Variants in CLTCL1 observed in about 807,000 individuals in gnomAD.
CLTCL1 encodes the protein clathrin heavy chain 2.
In CLTCL1, 159 loss-of-function variants were observed where a neutral mutation model predicts 190.0. The observed-to-expected ratio is 0.84, with a 90% CI of 0.74 to 0.95. CLTCL1 has a LOEUF of 0.95. CLTCL1 is among the 40% of genes least tolerant of loss of function. The pLI, the probability that CLTCL1 is intolerant of heterozygous loss-of-function variation, is 0.00. For missense variants in CLTCL1, 1,878 were observed against 2,033.4 expected (o/e 0.92, Z 1.47); for synonymous variants, 752 against 769.6 (o/e 0.98, Z 0.38).
intron 11 of CLTCL1, among the ~76,000 whole-genome samples, chr22:19,226,670 T>C (rs1354155564): frequency 6.6e-6 from 1 of 152,220 alleles, no homozygotes; most frequent in African/African-American, 2.4e-5. Flanking sequence ...TGAGGCTCCA[T>C]AAAGCCCTAT....
At chr22:19,211,008 C>T (rs1187594600) in intron 19 of CLTCL1, among the ~76,000 whole-genome samples, 2 of 152,154 alleles carry the variant, frequency 1.3e-5, no homozygotes, top group Non-Finnish European at 2.9e-5. Context: ...GCTGGGATTA[C>T]AGGTGTGAGC....
chr22:19,222,150 G>A, intron 15 of CLTCL1, 57 bp from the exon 16 acceptor site: 1 of 1,588,160 alleles, frequency 6.3e-7, no homozygotes, highest in Non-Finnish European at 8.6e-7. Context: ...ATTGTTAGAA[G>A]CCTCCTACGA....
chr22:19,193,033 T>C (rs782319851), intron 26 of CLTCL1, among the ~76,000 whole-genome samples: 7 of 152,184 alleles, frequency 4.6e-5, no homozygotes, highest in Non-Finnish European at 8.8e-5. Flanking sequence ...CTCAAGTTCA[T>C]CTTCTGTGGC....
At chr22:19,199,664 A>G in intron 24 of CLTCL1, 70 bp downstream of exon 24, 1 of 1,158,438 alleles carries the variant, frequency 8.6e-7, no homozygotes, top group Non-Finnish European at 1.2e-6. Context: ...TAAGGGGATG[A>G]CCGTGCCTCT....
At chr22:19,207,764 A>C (rs2085096858) in intron 22 of CLTCL1, 1 of 531,212 alleles carries the variant, frequency 1.9e-6, no homozygotes, top group Non-Finnish European at 3.3e-6. Flanking sequence ...CACAGAGCAC[A>C]AACCCTATTG....
intron 5 of CLTCL1, 140 bp from the exon 6 acceptor site, chr22:19,236,009 G>T (rs1270970941): frequency 1.4e-6 from 1 of 739,346 alleles, no homozygotes; most frequent in Non-Finnish European, 2.1e-6. Context: ...ACCCAGGCTG[G>T]AGTGTAGTGG....
chr22:19,202,408 T>C, intron 22 of CLTCL1, among the ~76,000 whole-genome samples: 1 of 151,062 alleles, frequency 6.6e-6, no homozygotes, highest in Non-Finnish European at 1.5e-5. Context: ...CCTTCCGCCA[T>C]CCACGGCACC....
At chr22:19,275,057 C>A (rs1340451079) in intron 2 of CLTCL1, among the ~76,000 whole-genome samples, 1 of 152,142 alleles carries the variant, frequency 6.6e-6, no homozygotes, top group Non-Finnish European at 1.5e-5. Context: ...GTAAGTGATA[C>A]TGCATTTCAC....
At chr22:19,237,856 A>G (rs1197236509) in intron 5 of CLTCL1, among the ~76,000 whole-genome samples, 3 of 152,228 alleles carry the variant, frequency 2.0e-5, no homozygotes, top group African/African-American at 7.2e-5. Flanking sequence ...GGGGTAGCCA[A>G]ATTATCAGCA....
chr22:19,234,734 C>T, intron 6 of CLTCL1, 28 bp from the exon 7 acceptor site: 1 of 1,594,028 alleles, frequency 6.3e-7, no homozygotes, highest in Non-Finnish European at 8.6e-7. Flanking sequence ...GTGAGAGCAG[C>T]CCGGCCTAGA....
chr22:19,245,979 T>C (rs2086405430), intron 3 of CLTCL1, among the ~76,000 whole-genome samples: 1 of 152,196 alleles, frequency 6.6e-6, no homozygotes, highest in South Asian at 2.1e-4. Context: ...TGTGTAAAAG[T>C]TTTTGTGTGG....
chr22:19,211,640 G>A (rs542080797), intron 19 of CLTCL1, among the ~76,000 whole-genome samples: 1 of 151,766 alleles, frequency 6.6e-6, no homozygotes, highest in Non-Finnish European at 1.5e-5. Flanking sequence ...GGTGGCAGGC[G>A]CCTGTAGTCC....
rs1555938048 is a variant in CLTCL1 at position 19,199,814 on chromosome 22, CTT to C, written c.3791_3792del (p.Gln1264ArgfsTer18). 3 of 1,596,806 alleles carry C rather than the reference CTT, an allele frequency of 1.9e-6. No homozygotes were observed. Among genetic ancestry groups the C allele is most frequent in the Admixed American group, 1.7e-5 (1 of 57,524 alleles). ...CCACACAGCTGTGCGAAGCGGAACT[CTT>C]GTCCATCCATGCAGGCAAAGCACAC... ...KEVCFACMDG[Q>X]EFRFAQLCGL... is the part of the protein sequence containing the mutation. On this transcript the variant is annotated frameshift_variant, in exon 24 of 33. Transcript: ENST00000427926. LOFTEE classifies it high-confidence loss of function.
At chr22:19,211,585 G>A (rs1391289112) in intron 19 of CLTCL1, among the ~76,000 whole-genome samples, 3 of 151,760 alleles carry the variant, frequency 2.0e-5, no homozygotes, top group Non-Finnish European at 4.4e-5. Context: ...TGGCTAACAC[G>A]GTAAAGCCCG....
In CLTCL1 at chr22:19,232,516, A is replaced by G. The variant is rs1569202562; in HGVS notation, c.1604T>C (p.Met535Thr). 1.9e-6 allele frequency: 3 copies of G among 1,614,048 alleles called. No homozygotes were observed. The highest frequency in any genetic ancestry group is 1.7e-6 in the Non-Finnish European group (2 of 1,179,884). ...CAGCGGCTCCTCGTCCTGCACTAGCATTCGAGAAAACTGCAGGCCCTGTTC... is the reference window on the plus strand; with the variant it reads ...CAGCGGCTCCTCGTCCTGCACTAGCGTTCGAGAAAACTGCAGGCCCTGTTC... ...SPEQGLQFSR[M>T]LVQDEEPLAN... The change falls in exon 10 of 33, where the codon ATG becomes ACG. Residue 535 changes from methionine (M) to threonine (T), a missense_variant. Coordinates refer to ENST00000427926, the MANE Select transcript of CLTCL1 (RefSeq NM_007098.4).
Position 19,191,355 on chromosome 22 carries a change from C to A in CLTCL1, c.4272G>T (p.Leu1424=). The A allele has an allele frequency of 1.2e-6, 2 of 1,613,950 alleles. No individual in the cohort carries two copies. Among genetic ancestry groups the A allele is most frequent in the Non-Finnish European group, 1.7e-6 (2 of 1,179,884 alleles). ...YKPLLINDLL[L]VLSPRLDHTW... ...TGTGGTCCAGCCGGGGTGAAAGCACCAGCAGCAGGTCATTGATGAGCAGTG... is the reference window on the plus strand; with the variant it reads ...TGTGGTCCAGCCGGGGTGAAAGCACAAGCAGCAGGTCATTGATGAGCAGTG... Residue 1424 remains leucine (L), a synonymous_variant, in exon 27 of 33, where the codon CTG becomes CTT. Coordinates refer to ENST00000427926, the MANE Select transcript of CLTCL1 (RefSeq NM_007098.4).
chr22:19,212,003 G>A (rs1436530817), intron 19 of CLTCL1, among the ~76,000 whole-genome samples: 2 of 152,040 alleles, frequency 1.3e-5, no homozygotes, highest in Admixed American at 1.3e-4. Flanking sequence ...TATGAAATAA[G>A]TATAAATCTA....
At chr22:19,228,588 T>G (rs1197981627) in intron 11 of CLTCL1, among the ~76,000 whole-genome samples, 1 of 152,344 alleles carries the variant, frequency 6.6e-6, no homozygotes, top group East Asian at 1.9e-4. Context: ...AGCTAACTTG[T>G]AGATTTGAAT....
rs527248758 is a variant in CLTCL1 at position 19,186,619 on chromosome 22, G to A, written c.4605+939C>T. Among the ~76,000 whole-genome samples, 1,093 of 148,070 alleles carry A rather than the reference G, an allele frequency of 7.4e-3. 17 individuals are homozygous for A. Among genetic ancestry groups the A allele is most frequent in the South Asian group, 0.051 (240 of 4,722 alleles). ...TTATTTTTTTCCTTTTTTTTTTTCC[G>A]AGACAGAGTCTCACTCTGTCACCCG... On this transcript the variant is annotated intron_variant, in intron 29 of 32. Transcript: ENST00000427926.
Sources: allele counts gnomAD v4.1 joint callset (sites outside exome capture counted in the v4.1 genomes callset), GRCh38; gene constraint gnomAD v4.1.1; transcripts MANE v1.5; gene names NCBI Gene and HGNC (gene_info 2026-07-23, HGNC 2026-07-21).